MEGF10: variants seen among roughly 807,000 people sequenced by gnomAD.
The protein encoded by MEGF10 is multiple epidermal growth factor-like domains protein 10.
Under a neutral mutation model 147.5 loss-of-function variants are expected in MEGF10, and 86 were observed. The observed-to-expected ratio is 0.58, with a 90% CI of 0.49 to 0.70. The LOEUF (loss-of-function observed/expected upper bound fraction) is 0.70. Among genes scored for constraint, MEGF10 ranks in the 30% least tolerant of loss-of-function variants. The probability of loss-of-function intolerance (pLI) is 0.00; values close to 1 mark genes in which losing one functional copy is unlikely to be tolerated. For missense variants in MEGF10, 1,329 were observed against 1,487.3 expected (o/e 0.89, Z 1.75); for synonymous variants, 478 against 525.5 (o/e 0.91, Z 1.24).
the MEGF10 span, among the ~76,000 whole-genome samples, chr5:127,235,921 T>G: frequency 6.6e-6 from 1 of 152,306 alleles, no homozygotes; most frequent in Non-Finnish European, 1.5e-5. Context: ...TAGGATAATT[T>G]ATCCTTTTAA....
At chr5:127,301,631 A>C (rs577137548) in intron 1 of MEGF10, among the ~76,000 whole-genome samples, 1 of 152,288 alleles carries the variant, frequency 6.6e-6, no homozygotes, top group East Asian at 1.9e-4. Context: ...CTGGGCTGGA[A>C]TCCCTTCTCT....
At chr5:127,317,214 A>G (rs1447189880) in intron 1 of MEGF10, among the ~76,000 whole-genome samples, 2 of 152,114 alleles carry the variant, frequency 1.3e-5, no homozygotes, top group Non-Finnish European at 2.9e-5. Flanking sequence ...TTCTTTGTAG[A>G]TTCTGGATAT....
At chr5:127,422,168 A>C (rs1052897592) in intron 12 of MEGF10, among the ~76,000 whole-genome samples, 9 of 152,182 alleles carry the variant, frequency 5.9e-5, no homozygotes, top group African/African-American at 1.9e-4. Context: ...ACTTTAAAAC[A>C]CTGACTTCCT....
chr5:127,247,392 GAAGAAGAAGAAGAAGAAGAAGAAGAAGAA>G, the MEGF10 span, among the ~76,000 whole-genome samples: 1 of 36,190 alleles, frequency 2.8e-5, no homozygotes, highest in East Asian at 5.8e-4. Context: ...AGAAGAAGAA[GAAGAAGAAGAAGAAGAAGAAGAAGAAGAA>G]GAAGAAGAAG....
intron 22 of MEGF10, among the ~76,000 whole-genome samples, chr5:127,450,721 G>A (rs1056107937): frequency 1.3e-5 from 2 of 151,982 alleles, no homozygotes; most frequent in Admixed American, 6.6e-5. Context: ...TGACCTTTGT[G>A]TATTTTCATT....
At chr5:127,412,463 T>C (rs1000801495) in intron 9 of MEGF10, among the ~76,000 whole-genome samples, 1 of 152,196 alleles carries the variant, frequency 6.6e-6, no homozygotes. Context: ...TCTAGTTTGT[T>C]CACATTAGCA....
chr5:127,278,627 A>C, the MEGF10 span, among the ~76,000 whole-genome samples: 15 of 152,210 alleles, frequency 9.9e-5, no homozygotes, highest in African/African-American at 3.6e-4. Context: ...TTAGTGCATA[A>C]GTGAGGAGGA....
At chr5:127,430,856 GAGTAAATAAA>G (rs1765368071) in intron 13 of MEGF10, among the ~76,000 whole-genome samples, 2 of 152,222 alleles carry the variant, frequency 1.3e-5, no homozygotes, top group Admixed American at 1.3e-4. Flanking sequence ...ACTGATGACA[GAGTAAATAAA>G]AGGGCTTGAA....
At chr5:127,381,435 A>G (rs977958997) in intron 5 of MEGF10, among the ~76,000 whole-genome samples, 4 of 152,186 alleles carry the variant, frequency 2.6e-5, no homozygotes, top group African/African-American at 7.2e-5. Flanking sequence ...TATACAAACC[A>G]TTTTCTGACT....
chr5:127,402,485 C>G (rs1764168972), intron 7 of MEGF10, 61 bp from the exon 8 acceptor site: 1 of 1,552,986 alleles, frequency 6.4e-7, no homozygotes, highest in Non-Finnish European at 8.7e-7. Flanking sequence ...TCTTCTTCAT[C>G]CATCAGTTGT....
the MEGF10 span, among the ~76,000 whole-genome samples, chr5:127,264,715 A>G: frequency 2.0e-5 from 3 of 152,208 alleles, no homozygotes; most frequent in African/African-American, 7.2e-5. Context: ...CGGTCTAAGT[A>G]ATCCTAAATA....
chr5:127,410,361 C>A, intron 8 of MEGF10, 28 bp from the exon 9 acceptor site: 1 of 1,606,816 alleles, frequency 6.2e-7, no homozygotes, highest in Non-Finnish European at 8.5e-7. Context: ...ACTAATCTTT[C>A]TTCTTGCTCC....
chr5:127,343,749 G>C (rs751427449), intron 4 of MEGF10, among the ~76,000 whole-genome samples: 1 of 151,928 alleles, frequency 6.6e-6, no homozygotes, highest in African/African-American at 2.4e-5. Context: ...CCAGGCATTC[G>C]AGACCAGCAT....
At chr5:127,365,331 G>A (rs1014398401) in intron 4 of MEGF10, among the ~76,000 whole-genome samples, 5 of 151,862 alleles carry the variant, frequency 3.3e-5, no homozygotes, top group African/African-American at 9.7e-5. Context: ...TCACTTTTTT[G>A]CCATCCCTAG....
chr5:127,250,648 G>A, the MEGF10 span, among the ~76,000 whole-genome samples: 1 of 151,756 alleles, frequency 6.6e-6, no homozygotes, highest in African/African-American at 2.4e-5. Context: ...TGTAATAGAG[G>A]TCCTAACTCT....
intron 16 of MEGF10, among the ~76,000 whole-genome samples, chr5:127,435,849 A>G (rs765099379): frequency 1.5e-4 from 23 of 152,184 alleles, no homozygotes; most frequent in Admixed American, 1.3e-4. Flanking sequence ...GAAAGAAAAA[A>G]TGGAATTAAA....
At chr5:127,402,383 A>G (rs1192063520) in intron 7 of MEGF10, among the ~76,000 whole-genome samples, 163 bp from the exon 8 acceptor site, 1 of 152,228 alleles carries the variant, frequency 6.6e-6, no homozygotes, top group East Asian at 1.9e-4. Flanking sequence ...CTAATATTTT[A>G]AAGATGATGA....
chr5:127,374,314 G>A (rs936646786), intron 5 of MEGF10, among the ~76,000 whole-genome samples: 14 of 152,242 alleles, frequency 9.2e-5, no homozygotes, highest in African/African-American at 3.1e-4. Context: ...TCTCTCTAGC[G>A]CCCCCTATTG....
the MEGF10 span, among the ~76,000 whole-genome samples, chr5:127,272,958 A>G: frequency 6.6e-6 from 1 of 152,184 alleles, no homozygotes; most frequent in African/African-American, 2.4e-5. Flanking sequence ...AGATCTTCCA[A>G]TGCTATGGCC....
Sources: allele counts gnomAD v4.1 joint callset (sites outside exome capture counted in the v4.1 genomes callset), GRCh38; gene constraint gnomAD v4.1.1; transcripts MANE v1.5; gene names NCBI Gene and HGNC (gene_info 2026-07-23, HGNC 2026-07-21).